Variants in VWC2 observed in about 807,000 individuals in gnomAD.
The protein encoded by VWC2 is von Willebrand factor C domain containing 2.
VWC2 carries 14 observed loss-of-function variants against 29.8 expected under a neutral mutation model. The observed-to-expected ratio is 0.47, with a 90% CI of 0.31 to 0.74. The LOEUF (loss-of-function observed/expected upper bound fraction) is 0.74, where lower values mean the gene tolerates loss of function less well. Among genes scored for constraint, VWC2 ranks in the 30% least tolerant of loss-of-function variants. The pLI is 0.05. For missense variants in VWC2, 457 were observed against 459.8 expected (o/e 0.99, Z 0.05); for synonymous variants, 213 against 199.0 (o/e 1.07, Z -0.59).
intron 3 of VWC2, among the ~76,000 whole-genome samples, chr7:49,813,662 G>A (rs546219052): frequency 9.2e-5 from 14 of 152,106 alleles, no homozygotes; most frequent in South Asian, 4.2e-4. Context: ...TGTATTCTAC[G>A]GATTTTAGGG....
intron 3 of VWC2, among the ~76,000 whole-genome samples, chr7:49,900,630 G>A (rs937679161): frequency 1.3e-5 from 2 of 151,622 alleles, no homozygotes; most frequent in Admixed American, 1.3e-4. Context: ...CTCCAAATAG[G>A]TCTATATATA....
chr7:49,788,623 G>T (rs1480207791), intron 2 of VWC2, among the ~76,000 whole-genome samples: 4 of 134,476 alleles, frequency 3.0e-5, no homozygotes, highest in African/African-American at 7.1e-5. Flanking sequence ...AGTGGTGGGT[G>T]TGTGAGTGAG....
Position 49,876,808 on chromosome 7 carries a change from A to G in VWC2, c.827-35226A>G, listed in dbSNP as rs79834328. ...TAGCTTGAAAATGATTCTCTTAATT[A>G]CAGTCGTGGAGTTGCTTTATTTGCT... On this transcript the variant is annotated intron_variant, in intron 3 of 3. Transcript: ENST00000340652. Among the ~76,000 whole-genome samples, 49 of 152,200 alleles carry G rather than the reference A, an allele frequency of 3.2e-4. 1 individual carries two copies. Among genetic ancestry groups the G allele is most frequent in the Non-Finnish European group, 6.8e-4 (46 of 68,002 alleles).
At chr7:49,869,342 G>A (rs1791037873) in intron 3 of VWC2, among the ~76,000 whole-genome samples, 1 of 152,172 alleles carries the variant, frequency 6.6e-6, no homozygotes, top group Non-Finnish European at 1.5e-5. Context: ...AAGTAATACT[G>A]AACAAGGTCT....
chr7:49,901,731 A>G (rs541120156), intron 3 of VWC2, among the ~76,000 whole-genome samples: 139 of 152,020 alleles, frequency 9.1e-4, no homozygotes, highest in African/African-American at 3.2e-3. Flanking sequence ...AGAATAGCCA[A>G]CACGATATTG....
chr7:49,878,616 C>T (rs1791544142), intron 3 of VWC2, among the ~76,000 whole-genome samples: 1 of 152,130 alleles, frequency 6.6e-6, no homozygotes, highest in African/African-American at 2.4e-5. Context: ...TATATAATGA[C>T]ATTCCAAGTT....
rs1793498364 is a variant in VWC2, at chr7:49,912,283, G to A, written c.*98G>A. The A allele has an allele frequency of 7.7e-7, 1 of 1,291,380 alleles. No individual in the cohort carries two copies. The highest frequency in any genetic ancestry group is 1.9e-5 in the South Asian group (1 of 53,532). The allele number at this position is 1,291,380 out of a possible 1,614,324, so 80.0% of individuals were successfully genotyped here. A position where few individuals can be genotyped will look rare whatever the true frequency, so the allele number is the denominator to read the frequency against. ...GAACTATCAGTCAAAGAAGACTTTT[G>A]ATGAGGAATAATGGAAAATTGTTGG... On this transcript the variant is annotated 3_prime_UTR_variant, in exon 4 of 4. Coordinates refer to ENST00000340652, the MANE Select transcript of VWC2 (RefSeq NM_198570.5).
At chr7:49,831,650 G>A (rs1017284096) in intron 3 of VWC2, among the ~76,000 whole-genome samples, 1 of 152,134 alleles carries the variant, frequency 6.6e-6, no homozygotes, top group African/African-American at 2.4e-5. Flanking sequence ...AGGTGGGAGG[G>A]CAAAGGCTCA....
At chr7:49,826,531 T>C (rs1350310304) in intron 3 of VWC2, among the ~76,000 whole-genome samples, 1 of 152,154 alleles carries the variant, frequency 6.6e-6, no homozygotes, top group Admixed American at 6.5e-5. Context: ...CCAGAGTCTT[T>C]AGAAGTGCAC....
At chr7:49,876,423 C>T (rs1791416692) in intron 3 of VWC2, among the ~76,000 whole-genome samples, 1 of 152,102 alleles carries the variant, frequency 6.6e-6, no homozygotes, top group Non-Finnish European at 1.5e-5. Context: ...TGTGGGAAAA[C>T]AGCACCTGTC....
chr7:49,856,192 T>C (rs113959542), intron 3 of VWC2, among the ~76,000 whole-genome samples: 2 of 152,162 alleles, frequency 1.3e-5, no homozygotes, highest in South Asian at 4.2e-4. Context: ...TGATCCCTAA[T>C]GTTGGAGATG....
At chr7:49,895,543 A>G (rs1429416204) in intron 3 of VWC2, among the ~76,000 whole-genome samples, 2 of 152,346 alleles carry the variant, frequency 1.3e-5, no homozygotes, top group East Asian at 1.9e-4. Flanking sequence ...TCAGCTGTCC[A>G]TGAGGCAAGA....
intron 3 of VWC2, among the ~76,000 whole-genome samples, chr7:49,865,841 G>C (rs1041094855): frequency 3.3e-5 from 5 of 152,140 alleles, no homozygotes; most frequent in African/African-American, 9.7e-5. Context: ...TGCAACCTCA[G>C]TCTCAAAGTC....
At chr7:49,875,385 A>AAAAAAAAAC (rs1791365246) in intron 3 of VWC2, among the ~76,000 whole-genome samples, 2 of 149,684 alleles carry the variant, frequency 1.3e-5, no homozygotes, top group Non-Finnish European at 1.5e-5. Context: ...AAAAAAAAAA[A>AAAAAAAAAC]AAAAAAAAAA....
At chr7:49,876,200 G>A (rs1420759650) in intron 3 of VWC2, among the ~76,000 whole-genome samples, 1 of 152,140 alleles carries the variant, frequency 6.6e-6, no homozygotes, top group Non-Finnish European at 1.5e-5. Flanking sequence ...CACAGGTTGG[G>A]TAAATCACGT....
chr7:49,893,488 T>G (rs1222460883), intron 3 of VWC2, among the ~76,000 whole-genome samples: 1 of 152,230 alleles, frequency 6.6e-6, no homozygotes, highest in African/African-American at 2.4e-5. Context: ...AAACTTTTGC[T>G]CATTTGAACT....
intron 2 of VWC2, among the ~76,000 whole-genome samples, 191 bp downstream of exon 2, chr7:49,776,322 C>G (rs1171150852): frequency 6.6e-6 from 1 of 152,184 alleles, no homozygotes; most frequent in Non-Finnish European, 1.5e-5. Context: ...AGCACTGTGG[C>G]CAATCCATAG....
chr7:49,917,571 C>T lies in VWC2; in HGVS notation c.*5386C>T, dbSNP rs374362608. ...TATCAAAAGCAATCAAAGTATGTACCTAAAGTCAATTTAGTATATTATGAA... is the reference window on the plus strand; with the variant it reads ...TATCAAAAGCAATCAAAGTATGTACTTAAAGTCAATTTAGTATATTATGAA... On this transcript the variant is annotated 3_prime_UTR_variant, in exon 4 of 4. Transcript: ENST00000340652. The T allele has an allele frequency of 6.6e-6, 1 of 152,074 alleles. No individual in the cohort carries two copies. The highest frequency in any genetic ancestry group is 2.1e-4 in the South Asian group (1 of 4,830). The allele number at this position is 152,074 out of a possible 1,614,324, so 9.4% of individuals were successfully genotyped here.
chr7:49,919,869 T>C lies in VWC2; in HGVS notation c.*7684T>C, dbSNP rs1297065648. 6.6e-6 allele frequency: 1 copy of C among 152,172 alleles called. No individual in the cohort carries two copies. Among genetic ancestry groups the C allele is most frequent in the Non-Finnish European group, 1.5e-5 (1 of 68,026 alleles). The allele number at this position is 152,172 out of a possible 1,614,324, so 9.4% of individuals were successfully genotyped here. A position where few individuals can be genotyped will look rare whatever the true frequency, so the allele number is the denominator to read the frequency against. ...ATAGGCATCAGTGCAATAAAGGAGC[T>C]TGATACAAAAATCATTATGTTCTAT... On this transcript the variant is annotated 3_prime_UTR_variant, in exon 4 of 4. Transcript: ENST00000340652.
Sources: allele counts gnomAD v4.1 joint callset (sites outside exome capture counted in the v4.1 genomes callset), GRCh38; gene constraint gnomAD v4.1.1; transcripts MANE v1.5; gene names NCBI Gene and HGNC (gene_info 2026-07-23, HGNC 2026-07-21).